SH3GL3: variants seen among roughly 807,000 people sequenced by gnomAD.
The protein encoded by SH3GL3 is endophilin-A3.
A neutral mutation model predicts 47.7 loss-of-function variants in SH3GL3; 33 were observed. The ratio of observed to expected loss-of-function variants is 0.69; its 90% CI spans 0.52 to 0.92. The LOEUF is 0.92. Ranked by LOEUF, SH3GL3 falls within the 40% of genes least tolerant of loss-of-function variation. SH3GL3 has a pLI of 0.00. For synonymous variants in SH3GL3, 155 were observed against 148.8 expected (o/e 1.04, Z -0.30); for missense variants, 363 against 417.8 (o/e 0.87, Z 1.14).
In SH3GL3 at chr15:83,618,012, A is replaced by T. The variant is rs983685705; in HGVS notation, c.839-70A>T. On this transcript the variant is annotated intron_variant, in intron 8 of 8. Transcript: ENST00000427482. Reference sequence around the variant, plus strand: ...GTTAAGGGTCTCTCTGAGCTTTTCCACATTTCCAATTTCCCATGGATAATC... The same window carrying T: ...GTTAAGGGTCTCTCTGAGCTTTTCCTCATTTCCAATTTCCCATGGATAATC... The T allele has an allele frequency of 5.5e-6, 6 of 1,081,990 alleles. No homozygotes were observed. In the Admixed American group the frequency reaches 1.0e-4, roughly 19 times the overall value. 67.0% of individuals were successfully genotyped at this position (1,081,990 alleles called of 1,614,324 possible). A position where few individuals can be genotyped will look rare whatever the true frequency, so the allele number is the denominator to read the frequency against.
intron 1 of SH3GL3, among the ~76,000 whole-genome samples, chr15:83,542,175 TC>T (rs1245688612): frequency 6.6e-6 from 1 of 152,244 alleles, no homozygotes; most frequent in African/African-American, 2.4e-5. Context: ...CTAGTTTCAC[TC>T]TTCTGCATAT....
chr15:83,627,547 T>C, the SH3GL3 span, among the ~76,000 whole-genome samples: 1 of 152,214 alleles, frequency 6.6e-6, no homozygotes, highest in East Asian at 1.9e-4. Context: ...ATAGTTTAAA[T>C]GGTTTCGATG....
chr15:83,539,870 A>G (rs2044080499), intron 1 of SH3GL3, among the ~76,000 whole-genome samples: 1 of 152,072 alleles, frequency 6.6e-6, no homozygotes, highest in African/African-American at 2.4e-5. Flanking sequence ...GTCAGTGAGG[A>G]ATTATTTTTG....
At chr15:83,632,149 C>T in the SH3GL3 span, among the ~76,000 whole-genome samples, 1 of 152,216 alleles carries the variant, frequency 6.6e-6, no homozygotes, top group African/African-American at 2.4e-5. Context: ...AAGACCACCT[C>T]AGCCTGGACT....
At chr15:83,598,181 C>T (rs1251621050) in intron 8 of SH3GL3, among the ~76,000 whole-genome samples, 2 of 152,174 alleles carry the variant, frequency 1.3e-5, no homozygotes, top group Non-Finnish European at 2.9e-5. Flanking sequence ...TGCCCACACT[C>T]ACTCAGTACC....
intron 8 of SH3GL3, among the ~76,000 whole-genome samples, chr15:83,594,301 A>G (rs1247478063): frequency 6.6e-6 from 1 of 152,216 alleles, no homozygotes; most frequent in African/African-American, 2.4e-5. Flanking sequence ...TAGTTAAATC[A>G]ACCTTGCATC....
intron 1 of SH3GL3, among the ~76,000 whole-genome samples, chr15:83,450,072 T>C (rs1190474018): frequency 6.6e-6 from 1 of 152,228 alleles, no homozygotes; most frequent in Admixed American, 6.5e-5. Context: ...TAGGTCTGGC[T>C]CAGCCACTGA....
In SH3GL3 at chr15:83,572,579, G is replaced by A. The variant is rs1358757766; in HGVS notation, c.346G>A (p.Glu116Lys). 6.2e-7 allele frequency: 1 copy of A among 1,612,858 alleles called. No individual in the cohort carries two copies. The highest frequency in any genetic ancestry group is 2.2e-5 in the East Asian group (1 of 44,870). The change falls in exon 5 of 9, where the codon GAA becomes AAA. Residue 116 changes from glutamate to lysine, a missense_variant. Transcript: ENST00000427482. ...EDSTFGNALI[E>K]VGESMKLMAE... ...TTCTATTCAAGGCAATGCATTGATA[G>A]AAGTTGGTGAATCCATGAAGCTAAT...
intron 2 of SH3GL3, among the ~76,000 whole-genome samples, chr15:83,559,729 A>G (rs141448388): frequency 2.4e-4 from 36 of 152,330 alleles, no homozygotes; most frequent in Non-Finnish European, 4.0e-4. Context: ...CTCTGCTCCC[A>G]TGTGTTGCAG....
chr15:83,586,660 C>T (rs1340410769), intron 6 of SH3GL3, among the ~76,000 whole-genome samples: 1 of 152,204 alleles, frequency 6.6e-6, no homozygotes, highest in African/African-American at 2.4e-5. Flanking sequence ...AGAGCTTTAT[C>T]TCTCTGTTTT....
intron 1 of SH3GL3, among the ~76,000 whole-genome samples, chr15:83,478,850 C>A (rs548270214): frequency 1.3e-5 from 2 of 152,340 alleles, no homozygotes; most frequent in African/African-American, 4.8e-5. Flanking sequence ...CCATAATAAA[C>A]GTGTAATAAA....
chr15:83,537,784 C>G (rs1004707024), intron 1 of SH3GL3, among the ~76,000 whole-genome samples: 1 of 152,154 alleles, frequency 6.6e-6, no homozygotes, highest in Non-Finnish European at 1.5e-5. Flanking sequence ...CTAATCCCAT[C>G]TGCTCTCTGT....
At chr15:83,613,549 A>G (rs1254487245) in intron 8 of SH3GL3, among the ~76,000 whole-genome samples, 2 of 152,140 alleles carry the variant, frequency 1.3e-5, no homozygotes, top group African/African-American at 2.4e-5. Flanking sequence ...CACTTGGACA[A>G]ATGTATGCTT....
At chr15:83,464,682 T>C (rs2040478371) in intron 1 of SH3GL3, among the ~76,000 whole-genome samples, 2 of 152,182 alleles carry the variant, frequency 1.3e-5, no homozygotes, top group Admixed American at 6.5e-5. Context: ...TTATTCCCAA[T>C]TCATCAGCAA....
At chr15:83,564,511 C>G (rs2045442060) in intron 2 of SH3GL3, among the ~76,000 whole-genome samples, 1 of 152,158 alleles carries the variant, frequency 6.6e-6, no homozygotes, top group South Asian at 2.1e-4. Context: ...TATTAACTCT[C>G]TGGTTAACTA....
intron 1 of SH3GL3, among the ~76,000 whole-genome samples, chr15:83,467,384 A>G (rs948216674): frequency 7.2e-5 from 11 of 152,174 alleles, no homozygotes; most frequent in Non-Finnish European, 1.5e-4. Context: ...ATTCTGTTCC[A>G]TTGACCTGTA....
chr15:83,514,055 G>A (rs929085468), intron 1 of SH3GL3, among the ~76,000 whole-genome samples: 1 of 152,200 alleles, frequency 6.6e-6, no homozygotes, highest in Non-Finnish European at 1.5e-5. Context: ...CTTCCCTGTA[G>A]TGGATGGGTA....
intron 1 of SH3GL3, among the ~76,000 whole-genome samples, chr15:83,554,264 C>T (rs1468563714): frequency 3.9e-5 from 6 of 152,020 alleles, no homozygotes; most frequent in East Asian, 1.9e-4. Flanking sequence ...CCCGGCTCAC[C>T]GCAATGTCTA....
At chr15:83,500,886 C>T (rs144048392) in intron 1 of SH3GL3, among the ~76,000 whole-genome samples, 8 of 152,298 alleles carry the variant, frequency 5.3e-5, no homozygotes, top group African/African-American at 1.2e-4. Context: ...GCTAGTAACT[C>T]GCACAATAAA....
Sources: allele counts gnomAD v4.1 joint callset (sites outside exome capture counted in the v4.1 genomes callset), GRCh38; gene constraint gnomAD v4.1.1; transcripts MANE v1.5; gene names NCBI Gene and HGNC (gene_info 2026-07-23, HGNC 2026-07-21).